ABLIM1: variants seen among roughly 807,000 people sequenced by gnomAD.
ABLIM1 encodes the protein actin binding LIM protein 1, also known as actin-binding LIM protein 1.
A neutral mutation model predicts 107.0 loss-of-function variants in ABLIM1; 40 were observed. The observed-to-expected ratio is 0.37, with a 90% CI of 0.29 to 0.49. The LOEUF is 0.49. Ranked by LOEUF, ABLIM1 falls within the 20% of genes least tolerant of loss-of-function variation. The pLI is 0.97. For missense variants in ABLIM1, 857 were observed against 1,008.5 expected (o/e 0.85, Z 2.04); for synonymous variants, 357 against 357.3 (o/e 1.00, Z 0.01).
chr10:114,477,391 A>G (rs2056620954), intron 8 of ABLIM1, among the ~76,000 whole-genome samples: 1 of 152,120 alleles, frequency 6.6e-6, no homozygotes, highest in African/African-American at 2.4e-5. Flanking sequence ...GGTTGCTATG[A>G]CAAAGGCCTG....
chr10:114,554,791 C>A (rs1049199527), intron 4 of ABLIM1, among the ~76,000 whole-genome samples: 1 of 152,108 alleles, frequency 6.6e-6, no homozygotes, highest in African/African-American at 2.4e-5. Context: ...ACTGTTTTGT[C>A]CCCTGTGTGT....
At chr10:114,544,794 T>G (rs1280371506) in intron 6 of ABLIM1, among the ~76,000 whole-genome samples, 5 of 152,162 alleles carry the variant, frequency 3.3e-5, no homozygotes, top group Non-Finnish European at 7.4e-5. Flanking sequence ...CTTTTTTTTT[T>G]CCTGTGCAAA....
At chr10:114,652,520 C>G (rs1000561394) in intron 1 of ABLIM1, among the ~76,000 whole-genome samples, 3 of 152,180 alleles carry the variant, frequency 2.0e-5, no homozygotes, top group Non-Finnish European at 2.9e-5. Context: ...ACAGAAAGGT[C>G]TCAGCAGGTG....
At chr10:114,643,579 CT>C (rs34191046) in intron 1 of ABLIM1, among the ~76,000 whole-genome samples, 645 of 136,598 alleles carry the variant, frequency 4.7e-3, no homozygotes, top group African/African-American at 5.9e-3. Context: ...TATCCAGATT[CT>C]TTTTTTTTTT....
At chr10:114,717,926 A>C in intron 1 of ABLIM1, among the ~76,000 whole-genome samples, 1 of 104,892 alleles carries the variant, frequency 9.5e-6, no homozygotes. Context: ...AGAGGAGAGA[A>C]GGGGGGGAAG....
chr10:114,760,786 C>G (rs2082729205), intron 1 of ABLIM1, among the ~76,000 whole-genome samples: 1 of 152,152 alleles, frequency 6.6e-6, no homozygotes, highest in Non-Finnish European at 1.5e-5. Flanking sequence ...ATGACACTCC[C>G]ACATGTGAGA....
At chr10:114,749,287 A>G (rs1279305488) in intron 1 of ABLIM1, among the ~76,000 whole-genome samples, 2 of 152,160 alleles carry the variant, frequency 1.3e-5, no homozygotes, top group African/African-American at 4.8e-5. Context: ...GCCTGATGTT[A>G]GGCAATAACT....
At chr10:114,440,977 G>T (rs1223386909) in intron 19 of ABLIM1, 40 bp downstream of exon 19, 7 of 1,558,852 alleles carry the variant, frequency 4.5e-6, no homozygotes, top group Non-Finnish European at 6.1e-6. Flanking sequence ...AGCCTCGAGG[G>T]AAGACGTGGC....
chr10:114,473,745 A>G (rs2067029998), intron 9 of ABLIM1, 134 bp downstream of exon 9: 2 of 653,748 alleles, frequency 3.1e-6, no homozygotes, highest in Non-Finnish European at 5.2e-6. Flanking sequence ...CTGTTCTACA[A>G]AAATGAAAAT....
At chr10:114,586,377 A>C (rs1257892359) in intron 2 of ABLIM1, among the ~76,000 whole-genome samples, 2 of 152,210 alleles carry the variant, frequency 1.3e-5, no homozygotes, top group Non-Finnish European at 2.9e-5. Flanking sequence ...ACCATGGTTT[A>C]AGGTGAATGA....
At chr10:114,650,154 C>A (rs10885591) in intron 1 of ABLIM1, among the ~76,000 whole-genome samples, 12,419 of 152,218 alleles carry the variant, frequency 0.082, 985 homozygotes, top group East Asian at 0.44. Context: ...TGTGCCCAGC[C>A]TCCACACAAT....
At position 114,619,204 on chromosome 10, in the gene ABLIM1, T is replaced by C. The variant is rs1164406426; in HGVS notation, c.245-17243A>G. Among the ~76,000 whole-genome samples, 1 of 135,342 alleles carries C rather than the reference T, an allele frequency of 7.4e-6. No individual in the cohort carries two copies. The highest frequency in any genetic ancestry group is 7.1e-5 in the Admixed American group (1 of 14,144). The allele number at this position is 135,342 out of a possible 152,430, so 88.8% of individuals were successfully genotyped here. On this transcript the variant is annotated intron_variant, in intron 1 of 22. Transcript: ENST00000533213. This position sits in a 1 kb window ranked among gnomAD's most constrained non-coding sequence, Gnocchi z 4.1. ...TTTTTCTTTCTCTTTCTTTCTTTTCTTTTTTTTTTTGAGACAGTGTCTTGC... is the reference window on the plus strand; with the variant it reads ...TTTTTCTTTCTCTTTCTTTCTTTTCCTTTTTTTTTTGAGACAGTGTCTTGC...
the ABLIM1 span, among the ~76,000 whole-genome samples, chr10:114,789,250 G>A: frequency 4.6e-5 from 7 of 151,666 alleles, no homozygotes; most frequent in African/African-American, 1.2e-4. Context: ...ACAAGACTCC[G>A]TCTCAAAAAA....
chr10:114,773,811 T>C, the ABLIM1 span, among the ~76,000 whole-genome samples: 2 of 151,688 alleles, frequency 1.3e-5, no homozygotes, highest in East Asian at 3.9e-4. Context: ...AGACAGATAT[T>C]GAGTGTACCA....
intron 4 of ABLIM1, among the ~76,000 whole-genome samples, chr10:114,549,501 T>G (rs2067784237): frequency 6.6e-6 from 1 of 152,218 alleles, no homozygotes. Flanking sequence ...TCCCTCTTGC[T>G]GCAGCTAGTT....
intron 1 of ABLIM1, among the ~76,000 whole-genome samples, chr10:114,708,704 C>A (rs1030425674): frequency 2.6e-5 from 4 of 152,190 alleles, no homozygotes; most frequent in African/African-American, 9.7e-5. Context: ...AAATAACCAA[C>A]TGACTAATAA....
chr10:114,593,587 T>G (rs2075130025), intron 2 of ABLIM1, among the ~76,000 whole-genome samples: 1 of 152,172 alleles, frequency 6.6e-6, no homozygotes, highest in African/African-American at 2.4e-5. Flanking sequence ...TGCCCAATAC[T>G]TCCTCCAGAG....
chr10:114,535,367 G>A (rs1350163216), intron 6 of ABLIM1, among the ~76,000 whole-genome samples: 2 of 152,188 alleles, frequency 1.3e-5, no homozygotes, highest in East Asian at 3.9e-4. Flanking sequence ...CTGGAGTGCA[G>A]TTGCATGATC....
intron 6 of ABLIM1, among the ~76,000 whole-genome samples, chr10:114,493,116 C>T (rs1033057012): frequency 1.3e-5 from 2 of 152,022 alleles, no homozygotes; most frequent in African/African-American, 2.4e-5. Flanking sequence ...AGGAGAGTGG[C>T]GAGAGAAGGC....
Sources: allele counts gnomAD v4.1 joint callset (sites outside exome capture counted in the v4.1 genomes callset), GRCh38; gene constraint gnomAD v4.1.1; non-coding constraint Gnocchi (gnomAD v3.1); transcripts MANE v1.5; gene names NCBI Gene and HGNC (gene_info 2026-07-23, HGNC 2026-07-21).